DNAAF4: variants seen among roughly 807,000 people sequenced by gnomAD.
DNAAF4 encodes the protein dynein assembly factor 4, axonemal.
A neutral mutation model predicts 51.8 loss-of-function variants in DNAAF4; 43 were observed. The ratio of observed to expected loss-of-function variants is 0.83; its 90% CI spans 0.65 to 1.07. The LOEUF is 1.07. Among genes scored for constraint, DNAAF4 ranks in the 50% least tolerant of loss-of-function variants. DNAAF4 has a pLI of 0.00. For synonymous variants in DNAAF4, 194 were observed against 165.6 expected, an observed-to-expected ratio of 1.17 and a Z score of -1.32; for missense variants, 581 against 493.0, an observed-to-expected ratio of 1.18 and a Z score of -1.69.
chr15:55,448,047 T>C (rs979860286), intron 6 of DNAAF4, among the ~76,000 whole-genome samples: 10 of 152,164 alleles, frequency 6.6e-5, no homozygotes, highest in African/African-American at 2.2e-4. Context: ...GGCTGTGGGT[T>C]TGTCATAAAT....
chr15:55,435,137 CAA>C lies in DNAAF4; in HGVS notation c.894-81_894-80del, dbSNP rs931485291. The C allele has an allele frequency of 1.6e-5, 24 of 1,456,386 alleles. 1 individual carries two copies. The African/African-American group carries it at 2.0e-4, about 12-fold the overall frequency. The allele number at this position is 1,456,386 out of a possible 1,614,324, so 90.2% of individuals were successfully genotyped here. A position where few individuals can be genotyped will look rare whatever the true frequency, so the allele number is the denominator to read the frequency against. On this transcript the variant is annotated intron_variant, in intron 7 of 9. Transcript: ENST00000321149. ...AGAAATAATATCTAATTGTATTTGA[CAA>C]AGAGGATGGCTTACCTCTTTTTGCA...
chr15:55,461,296 G>T (rs1242530931), intron 5 of DNAAF4, among the ~76,000 whole-genome samples: 1 of 151,204 alleles, frequency 6.6e-6, no homozygotes, highest in African/African-American at 2.4e-5. Flanking sequence ...TCTGGTCTCT[G>T]GTTAGAGACC....
At chr15:55,462,106 C>G (rs565712520) in intron 5 of DNAAF4, among the ~76,000 whole-genome samples, 1 of 152,084 alleles carries the variant, frequency 6.6e-6, no homozygotes, top group East Asian at 1.9e-4. Context: ...AATAGAAACT[C>G]TGAAAAGACC....
At chr15:55,464,349 T>G (rs568028443) in intron 5 of DNAAF4, among the ~76,000 whole-genome samples, 1 of 152,222 alleles carries the variant, frequency 6.6e-6, no homozygotes, top group Admixed American at 6.5e-5. Context: ...ATCATAAAAA[T>G]TCTAGAAGAT....
chr15:55,470,929 C>CT (rs1437937964), intron 4 of DNAAF4, among the ~76,000 whole-genome samples: 2 of 147,350 alleles, frequency 1.4e-5, no homozygotes, highest in African/African-American at 5.0e-5. Context: ...CCTTAGCTCA[C>CT]TGTAGCTTCC....
At chr15:55,417,779 A>T (rs533118618) in exon 8 of DNAAF4, 1 of 203,540 alleles carries the variant, frequency 4.9e-6, no homozygotes, top group South Asian at 1.1e-4. Context: ...AAAGCTTTTT[A>T]ATCACCTGGG....
chr15:55,433,627 A>C (rs1232617452), intron 8 of DNAAF4, among the ~76,000 whole-genome samples: 2 of 142,238 alleles, frequency 1.4e-5, no homozygotes, highest in Admixed American at 7.6e-5. Context: ...CCTCGTCTCA[A>C]AAAAAAAAAA....
intron 6 of DNAAF4, among the ~76,000 whole-genome samples, chr15:55,448,847 G>A (rs1483796925): frequency 6.6e-6 from 1 of 150,944 alleles, no homozygotes; most frequent in Admixed American, 6.6e-5. Context: ...TCCAGCCTAG[G>A]GGACAGAGCG....
chr15:55,483,839 T>TTTTC (rs1567028709), intron 4 of DNAAF4, among the ~76,000 whole-genome samples: 7 of 37,958 alleles, frequency 1.8e-4, no homozygotes, highest in Admixed American at 4.2e-4. Flanking sequence ...AAAGCTTTTT[T>TTTTC]TTTTTTTTTT....
intron 5 of DNAAF4, among the ~76,000 whole-genome samples, chr15:55,451,460 C>G (rs1165185955): frequency 6.6e-6 from 1 of 152,130 alleles, no homozygotes; most frequent in Non-Finnish European, 1.5e-5. Context: ...TCAGCCAACA[C>G]TACCTAGTCA....
At chr15:55,492,239 G>A (rs1331403756) in intron 3 of DNAAF4, among the ~76,000 whole-genome samples, 1 of 151,180 alleles carries the variant, frequency 6.6e-6, no homozygotes, top group Non-Finnish European at 1.5e-5. Flanking sequence ...CTTACAAAGG[G>A]AAGGATCAGA....
Position 55,432,536 on chromosome 15 carries a change from G to T in DNAAF4, c.1114C>A (p.Arg372Ser). ...ANARMKAHVR[R>S]GTAFCQLELY... is the part of the protein sequence containing the mutation. ...TCTAGTTGACAGAATGCTGTTCCACGTCGTACATGTGCCTTCATTCTTGCA... is the reference window on the plus strand; with the variant it reads ...TCTAGTTGACAGAATGCTGTTCCACTTCGTACATGTGCCTTCATTCTTGCA... The change falls in exon 9 of 10, where the codon CGT becomes AGT. Residue 372 changes from arginine to serine, a missense_variant. Coordinates refer to ENST00000321149, the MANE Select transcript of DNAAF4 (RefSeq NM_130810.4). The T allele has an allele frequency of 6.2e-7, 1 of 1,612,160 alleles. No homozygotes were observed. Among genetic ancestry groups the T allele is most frequent in the African/African-American group, 1.3e-5 (1 of 74,964 alleles).
rs112189485 is a variant in DNAAF4 at position 55,480,805 on chromosome 15, T to G, written c.405+10318A>C. On this transcript the variant is annotated intron_variant, in intron 4 of 9. Transcript: ENST00000321149. ...TGCCTTACAAAATCAGGTAGACTCT[T>G]TGGCAGTCACTTTACAAAACAGAAG... Among the ~76,000 whole-genome samples, 5 of 152,284 alleles carry G rather than the reference T, an allele frequency of 3.3e-5. 1 individual carries two copies. Among genetic ancestry groups the G allele is most frequent in the African/African-American group, 1.2e-4 (5 of 41,560 alleles).
At chr15:55,433,470 C>T (rs1484680550) in intron 8 of DNAAF4, among the ~76,000 whole-genome samples, 1 of 151,396 alleles carries the variant, frequency 6.6e-6, no homozygotes, top group Admixed American at 6.6e-5. Flanking sequence ...ACTAAAAATA[C>T]AAAAAATTAG....
rs2058485737 is a variant in DNAAF4 at position 55,486,176 on chromosome 15, T to C, written c.405+4947A>G. On this transcript the variant is annotated intron_variant, in intron 4 of 9. Coordinates refer to ENST00000321149, the MANE Select transcript of DNAAF4 (RefSeq NM_130810.4). The stretch of plus-strand genomic sequence containing the variant: ...ACCCTGCCTCGTTTTTCTGTTTGTT[T>C]GGTTGGTTGGTTGGTTGGTTTTTTT... 2.2e-5 allele frequency among the ~76,000 whole-genome samples: 3 copies of C among 137,024 alleles called. No homozygotes were observed. The South Asian group carries it at 6.3e-4, about 29-fold the overall frequency. The allele number at this position is 137,024 out of a possible 152,430, so 89.9% of individuals were successfully genotyped here. A position where few individuals can be genotyped will look rare whatever the true frequency, so the allele number is the denominator to read the frequency against.
chr15:55,418,568 T>C lies in DNAAF4; in HGVS notation c.1048-435A>G, dbSNP rs151160635. 766 of 1,435,390 alleles carry C rather than the reference T, an allele frequency of 5.3e-4. 5 individuals are homozygous for C. The African/African-American group carries it at 9.9e-3, about 19-fold the overall frequency. 88.9% of individuals were successfully genotyped at this position (1,435,390 alleles called of 1,614,324 possible). Reference sequence around the variant, plus strand: ...TTTTCCTAATATTCAACACACTCTATGAAAATATATTCCTTTGTATATTGA... The same window carrying C: ...TTTTCCTAATATTCAACACACTCTACGAAAATATATTCCTTTGTATATTGA... On this transcript the variant is annotated intron_variant, in intron 7 of 7. Coordinates refer to the DNAAF4 transcript ENST00000448430.
At chr15:55,421,911 A>G (rs1263319206) in intron 7 of DNAAF4, among the ~76,000 whole-genome samples, 1 of 136,812 alleles carries the variant, frequency 7.3e-6, no homozygotes, top group Non-Finnish European at 1.6e-5. Context: ...TAATAATAAT[A>G]ATAATAATAA....
chr15:55,464,239 T>C (rs745687861), intron 5 of DNAAF4, among the ~76,000 whole-genome samples: 3 of 152,164 alleles, frequency 2.0e-5, no homozygotes, highest in African/African-American at 7.2e-5. Flanking sequence ...GCTGGGATAA[T>C]TGGCAAACCA....
At chr15:55,486,715 T>G (rs1446408253) in intron 4 of DNAAF4, among the ~76,000 whole-genome samples, 2 of 151,566 alleles carry the variant, frequency 1.3e-5, no homozygotes, top group African/African-American at 4.9e-5. Context: ...ACCTGCGAGG[T>G]CAATGTAGTG....
Sources: allele counts gnomAD v4.1 joint callset (sites outside exome capture counted in the v4.1 genomes callset), GRCh38; gene constraint gnomAD v4.1.1; transcripts MANE v1.5; gene names NCBI Gene and HGNC (gene_info 2026-07-23, HGNC 2026-07-21).